Variants in SSBP3 observed in about 807,000 individuals in gnomAD.
The protein encoded by SSBP3 is single-stranded DNA-binding protein 3.
SSBP3 carries 5 observed loss-of-function variants against 69.6 expected under a neutral mutation model. That is an observed-to-expected ratio of 0.07 (90% CI 0.04 to 0.15). The LOEUF is 0.15. Among genes scored for constraint, SSBP3 ranks in the 10% least tolerant of loss-of-function variants. SSBP3 has a pLI of 1.00. For missense variants in SSBP3, 312 were observed against 534.0 expected, an observed-to-expected ratio of 0.58 and a Z score of 4.10; for synonymous variants, 196 against 193.4, an observed-to-expected ratio of 1.01 and a Z score of -0.11.
At chr1:54,346,858 C>T (rs1395313864) in intron 4 of SSBP3, among the ~76,000 whole-genome samples, 1 of 152,080 alleles carries the variant, frequency 6.6e-6, no homozygotes, top group Non-Finnish European at 1.5e-5. Flanking sequence ...CCTATGGCAG[C>T]CTTGGGGGAT....
Position 54,228,256 on chromosome 1 carries a change from T to C in SSBP3, c.1136A>G (p.Asn379Ser), listed in dbSNP as rs199631322. 208 of 1,613,400 alleles carry C rather than the reference T, an allele frequency of 1.3e-4. 1 individual carries two copies. The highest frequency in any genetic ancestry group is 1.1e-3 in the Admixed American group (63 of 59,982). Reference sequence around the variant, plus strand: ...CAACAGGCAGGGGGCGAGGCTTACATTGTCGTTCTGAAAGGAGTGGAGGAA... The same window carrying C: ...CAACAGGCAGGGGGCGAGGCTTACACTGTCGTTCTGAAAGGAGTGGAGGAA... The change falls in exon 17 of 18, where the codon AAT (asparagine) becomes AGT (serine). Residue 379 changes from asparagine (N) to serine (S), a missense_variant and splice_region_variant. Physicochemically the swap from Asn to Ser is conservative, Grantham distance 46. This residue lies in a region of SSBP3 where 63 missense variants were observed against 137.2 expected (regional missense o/e 0.46). Coordinates refer to ENST00000610401, the Ensembl canonical transcript of SSBP3.
intron 4 of SSBP3, among the ~76,000 whole-genome samples, chr1:54,324,437 C>G (rs908503167): frequency 4.0e-5 from 6 of 151,650 alleles, no homozygotes; most frequent in Non-Finnish European, 8.8e-5. Flanking sequence ...CACACCCCTA[C>G]AGAACACTTC....
chr1:54,366,694 A>G (rs1441213029), intron 4 of SSBP3, among the ~76,000 whole-genome samples: 1 of 152,204 alleles, frequency 6.6e-6, no homozygotes, highest in Non-Finnish European at 1.5e-5. Context: ...ATATACCTCT[A>G]TATTTTAGCA....
chr1:54,277,934 A>G (rs1196568883), intron 5 of SSBP3, among the ~76,000 whole-genome samples: 3 of 152,210 alleles, frequency 2.0e-5, no homozygotes, highest in Admixed American at 6.5e-5. Flanking sequence ...CTGCGTGGAA[A>G]AAAAAAATGC....
intron 14 of SSBP3, among the ~76,000 whole-genome samples, chr1:54,235,273 GTTTTTTTTTTTTTT>G (rs200538399): frequency 5.4e-5 from 6 of 112,020 alleles, no homozygotes; most frequent in Non-Finnish European, 9.0e-5. Context: ...AAGATGTCCA[GTTTTTTTTTTTTTT>G]TTTTTTTTTT....
intron 9 of SSBP3, among the ~76,000 whole-genome samples, chr1:54,244,290 G>C (rs1644695959): frequency 6.6e-6 from 1 of 152,182 alleles, no homozygotes. Flanking sequence ...TTTTAGTAGA[G>C]ACGGGGTTTC....
At chr1:54,268,464 T>C (rs1309798859) in intron 5 of SSBP3, among the ~76,000 whole-genome samples, 1 of 152,142 alleles carries the variant, frequency 6.6e-6, no homozygotes, top group South Asian at 2.1e-4. Context: ...CTTCCTGCCC[T>C]GCCCCTTCAC....
chr1:54,409,738 C>T (rs1170675845), upstream of SSBP3, among the ~76,000 whole-genome samples: 1 of 152,232 alleles, frequency 6.6e-6, no homozygotes, highest in Non-Finnish European at 1.5e-5. Context: ...CCATCTTTCT[C>T]TTGCCTCCCT....
exon 18 of SSBP3, chr1:54,226,131 G>A (rs1644281610): frequency 6.6e-6 from 1 of 152,290 alleles, no homozygotes; most frequent in South Asian, 2.1e-4. Context: ...CTCCCACTCT[G>A]CGCCAGGCCA....
chr1:54,330,206 T>A (rs12404308), intron 4 of SSBP3, among the ~76,000 whole-genome samples: 43,138 of 151,774 alleles, frequency 0.28, 8,956 homozygotes, highest in African/African-American at 0.57. Flanking sequence ...TGGGCCAAAC[T>A]GAAAAAAACG....
chr1:54,238,889 C>T (rs891441868), intron 14 of SSBP3: 12 of 414,604 alleles, frequency 2.9e-5, no homozygotes, highest in South Asian at 1.3e-4. Flanking sequence ...AGCAGCACAG[C>T]GGGCACCCTG....
intron 5 of SSBP3, among the ~76,000 whole-genome samples, chr1:54,277,672 C>G (rs1645314433): frequency 6.6e-6 from 1 of 152,210 alleles, no homozygotes; most frequent in Non-Finnish European, 1.5e-5. Flanking sequence ...AATTTAAAAA[C>G]AAAACAAGAA....
chr1:54,228,176 G>A (rs1035106501), intron 17 of SSBP3, 79 bp downstream of exon 17: 91 of 1,336,946 alleles, frequency 6.8e-5, no homozygotes, highest in Middle Eastern at 5.1e-4. Context: ...GCTGCAGCCC[G>A]GCTCCGTAGC....
At chr1:54,265,530 C>A (rs974200175) in intron 5 of SSBP3, among the ~76,000 whole-genome samples, 2 of 152,192 alleles carry the variant, frequency 1.3e-5, no homozygotes, top group Admixed American at 1.3e-4. Flanking sequence ...CGAGAGCTCA[C>A]AGTCAGGTGG....
At chr1:54,387,828 T>C (rs1165036919) in intron 4 of SSBP3, among the ~76,000 whole-genome samples, 3 of 152,122 alleles carry the variant, frequency 2.0e-5, no homozygotes, top group African/African-American at 4.8e-5. Flanking sequence ...GCTCTATCAA[T>C]ATCCTCAGAC....
chr1:54,314,726 A>T (rs926508197), intron 4 of SSBP3, among the ~76,000 whole-genome samples: 2 of 152,180 alleles, frequency 1.3e-5, no homozygotes, highest in African/African-American at 4.8e-5. Context: ...AACTGGTCTC[A>T]CCAGAATTGG....
intron 5 of SSBP3, among the ~76,000 whole-genome samples, chr1:54,268,564 T>C (rs1383059062): frequency 6.6e-6 from 1 of 152,238 alleles, no homozygotes; most frequent in African/African-American, 2.4e-5. Flanking sequence ...AGAATGCCCC[T>C]AATTCAACCC....
At chr1:54,399,328 A>G (rs1317386611) in intron 4 of SSBP3, among the ~76,000 whole-genome samples, 1 of 152,254 alleles carries the variant, frequency 6.6e-6, no homozygotes, top group Non-Finnish European at 1.5e-5. Flanking sequence ...AGAGTCAGTC[A>G]TGACTCCATG....
chr1:54,229,667 G>A (rs556455038), intron 14 of SSBP3, among the ~76,000 whole-genome samples: 4 of 152,216 alleles, frequency 2.6e-5, no homozygotes, highest in Non-Finnish European at 5.9e-5. Flanking sequence ...CCACAGCCAC[G>A]AGTCACGGGG....
Sources: gnomAD v4.1 joint callset for allele counts (sites outside exome capture counted in the v4.1 genomes callset) on GRCh38, gnomAD v4.1.1 for gene constraint, gnomAD v4.1.1 regional missense constraint, MANE v1.5 for transcripts, NCBI Gene and HGNC (gene_info 2026-07-23, HGNC 2026-07-21) for gene names.